Variants in ANGPT2 observed in about 807,000 individuals in gnomAD.
ANGPT2 encodes angiopoietin 2.
In ANGPT2, 28 loss-of-function variants were observed where a neutral mutation model predicts 62.9. The observed-to-expected ratio is 0.44, with a 90% CI of 0.33 to 0.61. The LOEUF (loss-of-function observed/expected upper bound fraction) is 0.61, where lower values mean the gene tolerates loss of function less well. ANGPT2 is among the 20% of genes least tolerant of loss of function. ANGPT2 has a pLI of 0.03. For missense variants in ANGPT2, 727 were observed against 594.9 expected (o/e 1.22, Z -2.31); for synonymous variants, 284 against 207.8 (o/e 1.37, Z -3.15).
intron 1 of ANGPT2, among the ~76,000 whole-genome samples, chr8:6,551,145 T>G (rs980376816): frequency 6.6e-6 from 1 of 152,228 alleles, no homozygotes; most frequent in Non-Finnish European, 1.5e-5. Flanking sequence ...TCTGTGCTGA[T>G]GCTGACTTAG....
intron 8 of ANGPT2, among the ~76,000 whole-genome samples, chr8:6,505,294 C>CATATATGT (rs1813192435): frequency 2.2e-4 from 8 of 36,792 alleles, no homozygotes. Flanking sequence ...ATGTTATATA[C>CATATATGT]ATATATATGT....
At chr8:6,510,717 G>A (rs1453328615) in intron 7 of ANGPT2, among the ~76,000 whole-genome samples, 2 of 152,178 alleles carry the variant, frequency 1.3e-5, no homozygotes. Flanking sequence ...CAACACTGGT[G>A]CACACCTAAA....
At chr8:6,553,276 C>A (rs1467432874) in intron 1 of ANGPT2, among the ~76,000 whole-genome samples, 1 of 152,102 alleles carries the variant, frequency 6.6e-6, no homozygotes, top group South Asian at 2.1e-4. Context: ...AAAACATAGT[C>A]TTTTAAAAAA....
intron 7 of ANGPT2, among the ~76,000 whole-genome samples, chr8:6,513,162 C>A (rs1164040629): frequency 6.6e-6 from 1 of 152,078 alleles, no homozygotes; most frequent in African/African-American, 2.4e-5. Flanking sequence ...ACACAATGGA[C>A]AAAATACTGT....
At chr8:6,527,351 G>A (rs1352778059) in intron 3 of ANGPT2, among the ~76,000 whole-genome samples, 1 of 152,228 alleles carries the variant, frequency 6.6e-6, no homozygotes, top group African/African-American at 2.4e-5. Flanking sequence ...GGAATGAAAG[G>A]TAAAATCCAG....
At chr8:6,532,080 A>G (rs893288121) in intron 2 of ANGPT2, among the ~76,000 whole-genome samples, 1 of 152,238 alleles carries the variant, frequency 6.6e-6, no homozygotes, top group Non-Finnish European at 1.5e-5. Context: ...GATGCGTGGC[A>G]TGAAAATGAC....
In ANGPT2 at chr8:6,523,444, A is replaced by G. The variant is rs181423890; in HGVS notation, c.567-2034T>C. 2.0e-3 allele frequency among the ~76,000 whole-genome samples: 306 copies of G among 152,330 alleles called. 6 individuals are homozygous for G. Among genetic ancestry groups the G allele is most frequent in the African/African-American group, 7.1e-3 (295 of 41,576 alleles). ...AAATATGTTCAATGAAGAGCATACC[A>G]CTTTTAAACTAAAAATAGTTCCTGT... On this transcript the variant is annotated intron_variant, in intron 3 of 8. Transcript: ENST00000629816.
intron 6 of ANGPT2, 65 bp from the exon 7 acceptor site, chr8:6,513,909 T>C: frequency 7.0e-7 from 1 of 1,427,150 alleles, no homozygotes; most frequent in South Asian, 1.4e-5. Context: ...TTGAAGTGGA[T>C]AGTCCGTCAA....
chr8:6,539,813 C>G (rs1821210750), intron 1 of ANGPT2, among the ~76,000 whole-genome samples: 1 of 152,196 alleles, frequency 6.6e-6, no homozygotes, highest in African/African-American at 2.4e-5. Flanking sequence ...TCTGAAACTC[C>G]TGACATCAGG....
intron 1 of ANGPT2, among the ~76,000 whole-genome samples, chr8:6,555,590 T>G (rs1159831561): frequency 6.6e-6 from 1 of 151,800 alleles, no homozygotes; most frequent in African/African-American, 2.4e-5. Flanking sequence ...TCCTCCTGAG[T>G]AGCTGAGACT....
chr8:6,529,152 T>C (rs1445887829), intron 2 of ANGPT2, among the ~76,000 whole-genome samples: 1 of 152,230 alleles, frequency 6.6e-6, no homozygotes, highest in Non-Finnish European at 1.5e-5. Context: ...ATCACTTTTC[T>C]GGAGAGCATC....
chr8:6,529,498 C>T (rs1377651335), intron 2 of ANGPT2, among the ~76,000 whole-genome samples: 1 of 150,200 alleles, frequency 6.7e-6, no homozygotes, highest in Non-Finnish European at 1.5e-5. Context: ...GTTGCCCAGG[C>T]TGCAGTGCGG....
At chr8:6,545,638 G>A (rs1005750713) in intron 1 of ANGPT2, among the ~76,000 whole-genome samples, 2 of 152,164 alleles carry the variant, frequency 1.3e-5, no homozygotes, top group Admixed American at 6.6e-5. Context: ...AAGCATAAAA[G>A]GCATTTGCTC....
At chr8:6,522,458 T>G (rs1817541938) in intron 3 of ANGPT2, among the ~76,000 whole-genome samples, 1 of 151,854 alleles carries the variant, frequency 6.6e-6, no homozygotes, top group South Asian at 2.1e-4. Context: ...TATTCCCATT[T>G]CCAATGAGGA....
chr8:6,563,017 C>T lies in ANGPT2; in HGVS notation c.-83G>A, dbSNP rs186977307. On this transcript the variant is annotated 5_prime_UTR_variant, in exon 1 of 9. Coordinates refer to ENST00000629816, the MANE Select transcript of ANGPT2 (RefSeq NM_001118887.2). ...AGTCCCGAGCTGCTGCCGTCTAAAACGCAGGGCTGCTACGCTGCCATGGCT... is the reference window on the plus strand; with the variant it reads ...AGTCCCGAGCTGCTGCCGTCTAAAATGCAGGGCTGCTACGCTGCCATGGCT... 1.4e-3 allele frequency: 2,040 copies of T among 1,432,894 alleles called. 9 individuals are homozygous for T. The highest frequency in any genetic ancestry group is 1.8e-3 in the Non-Finnish European group (1,868 of 1,065,168). The allele number at this position is 1,432,894 out of a possible 1,614,324, so 88.8% of individuals were successfully genotyped here. A position where few individuals can be genotyped will look rare whatever the true frequency, so the allele number is the denominator to read the frequency against.
At chr8:6,533,361 G>A (rs1191842333) in intron 1 of ANGPT2, among the ~76,000 whole-genome samples, 1 of 152,178 alleles carries the variant, frequency 6.6e-6, no homozygotes, top group Non-Finnish European at 1.5e-5. Context: ...TGAGTACGTG[G>A]GAAGAGCCTT....
rs1439834464 is a variant in ANGPT2 at position 6,562,451 on chromosome 8, C to T, written c.288+196G>A. Among the ~76,000 whole-genome samples, 5 of 152,024 alleles carry T rather than the reference C, an allele frequency of 3.3e-5. No individual in the cohort carries two copies. In the East Asian group the frequency reaches 9.7e-4, roughly 29 times the overall value. On this transcript the variant is annotated intron_variant, in intron 1 of 8. Transcript: ENST00000629816. ...TCTTTCCAAATAATTATTTTCACCCCGGGGACTACCCACACACCCTGGGAT... is the reference window on the plus strand; with the variant it reads ...TCTTTCCAAATAATTATTTTCACCCTGGGGACTACCCACACACCCTGGGAT...
intron 3 of ANGPT2, among the ~76,000 whole-genome samples, chr8:6,525,604 A>G (rs549433280): frequency 6.6e-6 from 1 of 152,254 alleles, no homozygotes; most frequent in African/African-American, 2.4e-5. Context: ...GGTTTGTCCA[A>G]TGTGAAACAC....
chr8:6,532,357 C>A lies in ANGPT2; in HGVS notation c.419G>T (p.Arg140Leu). The change falls in exon 2 of 9, where the codon CGG (arginine) becomes CTG (leucine). Residue 140 changes from arginine (R) to leucine (L), a missense_variant. By Grantham distance (102) the Arg-to-Leu change is moderately radical. Transcript: ENST00000629816. ...NLLNQTAEQT[R>L]KLTDVEAQVL... ...TTGGGCTTCCACATCAGTTAACTTC[C>A]GCGTTTGCTCCGCTGTTTGGTTCAA... 6.2e-7 allele frequency: 1 copy of A among 1,614,024 alleles called. No homozygotes were observed. The highest frequency in any genetic ancestry group is 1.1e-5 in the South Asian group (1 of 91,054).
Sources: allele counts gnomAD v4.1 joint callset (sites outside exome capture counted in the v4.1 genomes callset), GRCh38; gene constraint gnomAD v4.1.1; transcripts MANE v1.5; gene names NCBI Gene and HGNC (gene_info 2026-07-23, HGNC 2026-07-21).